The following NHS variants were observed in gnomAD, a reference collection of about 807,000 sequenced individuals.
NHS encodes actin remodeling regulator NHS.
Under a neutral mutation model 72.5 loss-of-function variants are expected in NHS, and 5 were observed. The ratio of observed to expected loss-of-function variants is 0.07; its 90% CI spans 0.04 to 0.14. The LOEUF (loss-of-function observed/expected upper bound fraction) is 0.14, where lower values mean the gene tolerates loss of function less well. NHS is among the 10% of genes least tolerant of loss of function. The probability of loss-of-function intolerance (pLI) is 1.00; values close to 1 mark genes in which losing one functional copy is unlikely to be tolerated. For synonymous variants in NHS, 464 were observed against 547.7 expected (o/e 0.85, Z 2.13); for missense variants, 1,072 against 1,355.7 (o/e 0.79, Z 3.29).
At chrX:17,514,834 G>C (rs763755887) in intron 1 of NHS, among the ~76,000 whole-genome samples, 24 of 111,548 alleles carry the variant, frequency 2.2e-4, no homozygotes, top group Non-Finnish European at 1.5e-4. Context: ...TGTTTCCTTT[G>C]TCATTATTTT....
At chrX:17,451,332 C>G (rs190790137) in intron 1 of NHS, among the ~76,000 whole-genome samples, 54 of 111,650 alleles carry the variant, frequency 4.8e-4, no homozygotes, top group African/African-American at 1.7e-3. Context: ...GTAAAATGGA[C>G]TTGGGAGTAA....
chrX:17,405,520 C>T (rs2064525126), intron 1 of NHS, among the ~76,000 whole-genome samples: 1 of 112,222 alleles, frequency 8.9e-6, no homozygotes, highest in South Asian at 3.8e-4. Flanking sequence ...CTCTGGGCAC[C>T]TTGGAAGGGT....
At chrX:17,724,776 T>C (rs752085345) in intron 6 of NHS, among the ~76,000 whole-genome samples, 1 of 112,298 alleles carries the variant, frequency 8.9e-6, no homozygotes, top group East Asian at 2.8e-4. Flanking sequence ...AAGAGAGATA[T>C]ACTTTCATGT....
At chrX:17,730,279 A>T (rs758465632) in intron 8 of NHS, among the ~76,000 whole-genome samples, 1 of 112,731 alleles carries the variant, frequency 8.9e-6, no homozygotes, top group East Asian at 2.8e-4. Flanking sequence ...TTTGAATCCC[A>T]ACTCTGCCAC....
At chrX:17,680,676 T>G (rs1251568970) in intron 1 of NHS, among the ~76,000 whole-genome samples, 2 of 112,229 alleles carry the variant, frequency 1.8e-5, no homozygotes, top group East Asian at 2.8e-4. Context: ...CGTGCAGTTT[T>G]AAAATGCTAG....
chrX:17,397,788 CATCT>C (rs1277604827), intron 1 of NHS, among the ~76,000 whole-genome samples: 5 of 111,926 alleles, frequency 4.5e-5, no homozygotes, highest in South Asian at 3.7e-4. Context: ...TTCATCCATC[CATCT>C]ATCTATCCAT....
At chrX:17,610,194 G>A (rs1192554516) in intron 1 of NHS, among the ~76,000 whole-genome samples, 1 of 111,945 alleles carries the variant, frequency 8.9e-6, no homozygotes, top group Admixed American at 9.4e-5. Flanking sequence ...CGTCTGGCTG[G>A]AAGGAGACTT....
At chrX:17,482,195 G>A (rs1042739619) in intron 1 of NHS, among the ~76,000 whole-genome samples, 1 of 112,016 alleles carries the variant, frequency 8.9e-6, no homozygotes, top group African/African-American at 3.2e-5. Context: ...GAGTAGGCCA[G>A]GGGAGCTCCT....
intron 1 of NHS, among the ~76,000 whole-genome samples, chrX:17,574,916 C>A (rs2065501769): frequency 8.9e-6 from 1 of 111,983 alleles, no homozygotes; most frequent in African/African-American, 3.3e-5. Flanking sequence ...AACTGAGGCA[C>A]AGAATGGCTC....
chrX:17,393,918 T>C lies in NHS; in HGVS notation c.565+17596T>C, dbSNP rs1035438320. 1.2e-4 allele frequency among the ~76,000 whole-genome samples: 13 copies of C among 111,570 alleles called. No individual in the cohort carries two copies. The Admixed American group carries it at 1.2e-3, about 11-fold the overall frequency. ...AGGCCTCAAGCAAATTCTAAAACTT[T>C]CTTTGAACCCCCTGGCATAGGCTCA... On this transcript the variant is annotated intron_variant, in intron 1 of 8. Coordinates refer to ENST00000676302, the MANE Select transcript of NHS (RefSeq NM_001291867.2).
intron 1 of NHS, among the ~76,000 whole-genome samples, chrX:17,497,931 GA>G (rs2065020389): frequency 8.9e-6 from 1 of 112,003 alleles, no homozygotes; most frequent in Non-Finnish European, 1.9e-5. Context: ...GCACATGGGG[GA>G]AAAGGTCTCT....
chrX:17,604,228 TCACACA>T (rs59367930), intron 1 of NHS, among the ~76,000 whole-genome samples: 2,400 of 92,238 alleles, frequency 0.026, 66 homozygotes, highest in Admixed American at 0.084. Context: ...TATTAATAGA[TCACACA>T]CACACACACA....
intron 1 of NHS, among the ~76,000 whole-genome samples, chrX:17,495,134 C>A (rs769013103): frequency 8.9e-6 from 1 of 111,857 alleles, no homozygotes; most frequent in African/African-American, 3.3e-5. Context: ...CTCCTCACCC[C>A]TTGCCTCCAA....
chrX:17,712,284 T>TAC (rs2066337054), intron 3 of NHS, among the ~76,000 whole-genome samples: 1 of 76,715 alleles, frequency 1.3e-5, no homozygotes, highest in Non-Finnish European at 2.4e-5. Context: ...TATATATATA[T>TAC]ATATATACAC....
chrX:17,631,802 C>T (rs887076871), intron 1 of NHS, among the ~76,000 whole-genome samples: 5 of 111,945 alleles, frequency 4.5e-5, no homozygotes, highest in South Asian at 7.4e-4. Context: ...CTTTATTTTT[C>T]GCTTGTGTAA....
chrX:17,496,355 C>CT (rs1454901559), intron 1 of NHS, among the ~76,000 whole-genome samples: 2 of 111,525 alleles, frequency 1.8e-5, no homozygotes, highest in Non-Finnish European at 3.8e-5. Context: ...CACCTACCTC[C>CT]TAGTTGCCTC....
At chrX:17,391,990 T>G (rs906679124) in intron 1 of NHS, among the ~76,000 whole-genome samples, 1 of 112,146 alleles carries the variant, frequency 8.9e-6, no homozygotes, top group Non-Finnish European at 1.9e-5. Flanking sequence ...GTTCACCAAC[T>G]CCTTCCCTTT....
chrX:17,655,893 A>T (rs2065951835), intron 1 of NHS, among the ~76,000 whole-genome samples: 1 of 113,181 alleles, frequency 8.8e-6, no homozygotes, highest in Non-Finnish European at 1.9e-5. Context: ...AGAAGGCAGC[A>T]TCCATTCATA....
intron 1 of NHS, among the ~76,000 whole-genome samples, chrX:17,541,940 C>T (rs2065266281): frequency 8.9e-6 from 1 of 111,853 alleles, no homozygotes; most frequent in Non-Finnish European, 1.9e-5. Flanking sequence ...TGGAGACCTT[C>T]GCCTTGCTTA....
Sources: gnomAD v4.1 joint callset for allele counts (sites outside exome capture counted in the v4.1 genomes callset) on GRCh38, gnomAD v4.1.1 for gene constraint, MANE v1.5 for transcripts, NCBI Gene and HGNC (gene_info 2026-07-23, HGNC 2026-07-21) for gene names.